The following MAP3K15 variants were observed in gnomAD, a reference collection of about 807,000 sequenced individuals.
MAP3K15 encodes the protein MAPK/ERK kinase kinase 15.
A neutral mutation model predicts 99.5 loss-of-function variants in MAP3K15; 124 were observed. The ratio of observed to expected loss-of-function variants is 1.25; its 90% confidence interval spans 1.08 to 1.45. MAP3K15 has a LOEUF of 1.45. MAP3K15 is among the 40% of genes most tolerant of loss of function. The pLI, the probability that MAP3K15 is intolerant of heterozygous loss-of-function variation, is 0.00. For missense variants in MAP3K15, 1,242 were observed against 1,079.7 expected, an observed-to-expected ratio of 1.15 and a Z score of -2.11; for synonymous variants, 494 against 439.6, an observed-to-expected ratio of 1.12 and a Z score of -1.55.
rs1186419347 is a variant in MAP3K15 at position 19,360,839 on chromosome X, A to C, written c.3858-6T>G. On this transcript the variant is annotated splice_polypyrimidine_tract_variant and splice_region_variant and intron_variant, in intron 28 of 28. Coordinates refer to ENST00000338883, the MANE Select transcript of MAP3K15 (RefSeq NM_001001671.4). ...GTCTGCAGAGGAGACCACCCCTGGGAAACAAACACAGCTGTCTTCAGAGTC... is the reference window on the plus strand; with the variant it reads ...GTCTGCAGAGGAGACCACCCCTGGGCAACAAACACAGCTGTCTTCAGAGTC... The C allele has an allele frequency of 8.4e-7, 1 of 1,186,004 alleles. No individual in the cohort carries two copies. Among genetic ancestry groups the C allele is most frequent in the African/African-American group, 1.8e-5 (1 of 56,385 alleles).
intron 13 of MAP3K15, among the ~76,000 whole-genome samples, chrX:19,404,335 T>C (rs934719062): frequency 3.6e-5 from 4 of 112,124 alleles, no homozygotes; most frequent in Admixed American, 9.5e-5. Flanking sequence ...AAAACTATCA[T>C]TGAAAGAAAT....
At chrX:19,432,756 C>T (rs186248468) in intron 6 of MAP3K15, among the ~76,000 whole-genome samples, 7 of 105,747 alleles carry the variant, frequency 6.6e-5, no homozygotes, top group Non-Finnish European at 1.4e-4. Context: ...CGCTTTGTCG[C>T]CCAGGCTGGA....
At chrX:19,498,515 C>T (rs966660861) in intron 1 of MAP3K15, among the ~76,000 whole-genome samples, 2 of 112,010 alleles carry the variant, frequency 1.8e-5, no homozygotes, top group Admixed American at 9.5e-5. Flanking sequence ...ACCTGTATCA[C>T]CAGGGCCAGT....
At chrX:19,459,719 G>A (rs1261745179) in intron 5 of MAP3K15, among the ~76,000 whole-genome samples, 3 of 111,764 alleles carry the variant, frequency 2.7e-5, no homozygotes, top group Non-Finnish European at 3.8e-5. Context: ...GCATGGTGGC[G>A]CATGCCTGTA....
At position 19,426,251 on chromosome X, in the gene MAP3K15, G is replaced by A. The variant is rs1396008122; in HGVS notation, c.1259C>T (p.Ser420Phe). 8.8e-7 allele frequency: 1 copy of A among 1,140,060 alleles called. No individual in the cohort carries two copies. Among genetic ancestry groups the A allele is most frequent in the Non-Finnish European group, 1.2e-6 (1 of 859,039 alleles). The allele number at this position is 1,140,060 out of a possible 1,213,427, so 94.0% of individuals were successfully genotyped here. A position where few individuals can be genotyped will look rare whatever the true frequency, so the allele number is the denominator to read the frequency against. The change falls in exon 8 of 29, where the codon TCC becomes TTC. Residue 420 changes from serine (S) to phenylalanine (F), a missense_variant. Physicochemically the swap from Ser to Phe is radical, Grantham distance 155. Transcript: ENST00000338883. ...LIVAGQQFETSLELRKIGVRL... is the reference protein window; with the variant it reads ...LIVAGQQFETFLELRKIGVRL... ...TTTACCTATTTTCCTTAGTTCCAAG[G>A]AAGTTTCAAATTGTTGTCCAGCAAC...
At chrX:19,414,541 T>C (rs895516305) in intron 10 of MAP3K15, among the ~76,000 whole-genome samples, 8 of 112,487 alleles carry the variant, frequency 7.1e-5, no homozygotes, top group African/African-American at 2.6e-4. Flanking sequence ...GGTCATAACA[T>C]TAAAACAAAA....
Position 19,372,979 on chromosome X carries a change from A to G in MAP3K15, c.2934-152T>C. ...TGAAATTGCCGGAGGAAGGACAGAC[A>G]TGCAGTGTTCTGTCAACCCCCACAG... On this transcript the variant is annotated intron_variant, in intron 21 of 28. Coordinates refer to ENST00000338883, the MANE Select transcript of MAP3K15 (RefSeq NM_001001671.4). 3 of 393,608 alleles carry G rather than the reference A, an allele frequency of 7.6e-6. No homozygotes were observed. In the South Asian group the frequency reaches 1.2e-4, roughly 15 times the overall value. 32.4% of individuals were successfully genotyped at this position (393,608 alleles called of 1,213,427 possible). A position where few individuals can be genotyped will look rare whatever the true frequency, so the allele number is the denominator to read the frequency against.
intron 1 of MAP3K15, among the ~76,000 whole-genome samples, chrX:19,506,355 C>A (rs2064477196): frequency 9.0e-6 from 1 of 111,688 alleles, no homozygotes; most frequent in Non-Finnish European, 1.9e-5. Context: ...GAGGCGTGAG[C>A]CACCACACCT....
rs749123059 is a variant in MAP3K15 at position 19,371,436 on chromosome X, G to A, written c.3203C>T (p.Ala1068Val). The stretch of plus-strand genomic sequence containing the variant: ...CACCTTGAGCTTTGATATTGTGGTC[G>A]CCATCACCCGGTGCTCTGGGGAGCG... ...FIRSPEHRVM[A>V]TTISKLKVDL... Residue 1068 changes from alanine to valine, a missense_variant, in exon 23 of 29, where the codon GCG (alanine) becomes GTG (valine). Transcript: ENST00000338883. 2.4e-5 allele frequency: 29 copies of A among 1,208,741 alleles called. No individual in the cohort carries two copies. Among genetic ancestry groups the A allele is most frequent in the Non-Finnish European group, 2.9e-5 (26 of 894,283 alleles).
At chrX:19,509,368 G>T (rs1363150148) in intron 1 of MAP3K15, among the ~76,000 whole-genome samples, 1 of 111,678 alleles carries the variant, frequency 9.0e-6, no homozygotes, top group African/African-American at 3.3e-5. Context: ...CTCAGCAAAT[G>T]CAAAAGAACA....
chrX:19,455,789 T>G (rs1452811286), intron 6 of MAP3K15, among the ~76,000 whole-genome samples: 2 of 110,916 alleles, frequency 1.8e-5, no homozygotes, highest in East Asian at 5.6e-4. Context: ...GATGAGTAAC[T>G]TAAAAGGCCC....
chrX:19,394,984 CT>C (rs2063557751), intron 16 of MAP3K15, 96 bp downstream of exon 16: 1 of 1,039,187 alleles, frequency 9.6e-7, no homozygotes, highest in African/African-American at 1.9e-5. Flanking sequence ...ACAGGCCTGG[CT>C]TAGGGGTCTG....
chrX:19,496,170 G>A (rs981577289), intron 1 of MAP3K15, among the ~76,000 whole-genome samples: 8 of 108,128 alleles, frequency 7.4e-5, no homozygotes, highest in African/African-American at 2.4e-4. Flanking sequence ...AGGTTCAAGC[G>A]ATTCTTGTGC....
chrX:19,408,119 G>C (rs2063660490), intron 12 of MAP3K15, among the ~76,000 whole-genome samples: 2 of 111,754 alleles, frequency 1.8e-5, no homozygotes, highest in Non-Finnish European at 3.8e-5. Flanking sequence ...AGCAGGTTTT[G>C]AAAATCAATC....
intron 24 of MAP3K15, 102 bp from the exon 25 acceptor site, chrX:19,369,321 C>A: frequency 1.1e-6 from 1 of 891,519 alleles, no homozygotes; most frequent in East Asian, 3.2e-5. Context: ...AGAAGCTGGC[C>A]CAGCCCGTGC....
chrX:19,400,514 T>C, intron 14 of MAP3K15, 62 bp downstream of exon 14: 1 of 873,587 alleles, frequency 1.1e-6, no homozygotes, highest in Non-Finnish European at 1.6e-6. Flanking sequence ...AGATGGGACA[T>C]TTTCTTGAAG....
intron 6 of MAP3K15, among the ~76,000 whole-genome samples, chrX:19,439,809 A>T (rs2063946830): frequency 8.9e-6 from 1 of 111,886 alleles, no homozygotes; most frequent in Non-Finnish European, 1.9e-5. Flanking sequence ...TGACTTTAAA[A>T]ATACTAGAAA....
chrX:19,440,260 A>G (rs1303510082), intron 6 of MAP3K15, among the ~76,000 whole-genome samples: 1 of 111,926 alleles, frequency 8.9e-6, no homozygotes, highest in Non-Finnish European at 1.9e-5. Flanking sequence ...CAGCTCTTCT[A>G]TCACCTGTGT....
At chrX:19,418,329 A>G (rs1453397307) in intron 9 of MAP3K15, among the ~76,000 whole-genome samples, 2 of 111,521 alleles carry the variant, frequency 1.8e-5, no homozygotes, top group African/African-American at 6.5e-5. Context: ...AGAATAACCA[A>G]TGCAGAGAAG....
Sources: gnomAD v4.1 joint callset for allele counts (sites outside exome capture counted in the v4.1 genomes callset) on GRCh38, gnomAD v4.1.1 for gene constraint, MANE v1.5 for transcripts, NCBI Gene and HGNC (gene_info 2026-07-23, HGNC 2026-07-21) for gene names.